TBCD: variants seen among roughly 807,000 people sequenced by gnomAD.
TBCD encodes the protein tubulin folding cofactor D, also known as tubulin-specific chaperone D.
TBCD carries 105 observed loss-of-function variants against 169.3 expected under a neutral mutation model. That is an observed-to-expected ratio of 0.62 (90% CI 0.53 to 0.73). The LOEUF (loss-of-function observed/expected upper bound fraction) is 0.73, where lower values mean the gene tolerates loss of function less well. TBCD is among the 30% of genes least tolerant of loss of function. The pLI is 0.00. For synonymous variants in TBCD, 700 were observed against 643.9 expected (o/e 1.09, Z -1.32); for missense variants, 1,444 against 1,600.1 (o/e 0.90, Z 1.66).
chr17:82,793,102 T>C (rs1352828069), intron 7 of TBCD, among the ~76,000 whole-genome samples: 1 of 152,228 alleles, frequency 6.6e-6, no homozygotes, highest in Non-Finnish European at 1.5e-5. Flanking sequence ...TTCTTAAAAT[T>C]CTTTATAATT....
intron 7 of TBCD, among the ~76,000 whole-genome samples, chr17:82,791,237 A>G (rs924934586): frequency 1.3e-5 from 2 of 151,104 alleles, no homozygotes; most frequent in Non-Finnish European, 1.5e-5. Context: ...GACTACAGGC[A>G]CCCTCCACCA....
Position 82,930,349 on chromosome 17 carries a change from A to T in TBCD, c.2992-173A>T. The T allele has an allele frequency of 1.1e-6, 1 of 874,294 alleles. No homozygotes were observed. The highest frequency in any genetic ancestry group is 1.7e-6 in the Non-Finnish European group (1 of 590,836). 54.2% of individuals were successfully genotyped at this position (874,294 alleles called of 1,614,324 possible). Reference sequence around the variant, plus strand: ...CCTTGTGTCTGCTTCGGGTGTCTGCACTGTGAGTGGCTCCGTGCTGGCGTC... The same window carrying T: ...CCTTGTGTCTGCTTCGGGTGTCTGCTCTGTGAGTGGCTCCGTGCTGGCGTC... On this transcript the variant is annotated intron_variant, in intron 32 of 38. Coordinates refer to ENST00000355528, the MANE Select transcript of TBCD (RefSeq NM_005993.5). The surrounding 1 kb of genome is among the most constrained non-coding windows in gnomAD (Gnocchi z 5.2).
intron 23 of TBCD, among the ~76,000 whole-genome samples, chr17:82,914,908 C>G (rs182730232): frequency 6.6e-6 from 1 of 152,212 alleles, no homozygotes; most frequent in South Asian, 2.1e-4. Flanking sequence ...TTCTGCATAG[C>G]GTCTGTGGTC....
intron 13 of TBCD, among the ~76,000 whole-genome samples, chr17:82,858,917 G>T (rs2056533383): frequency 6.6e-6 from 1 of 152,214 alleles, no homozygotes; most frequent in South Asian, 2.1e-4. Flanking sequence ...GCTTCCTGCG[G>T]GGGGATGAGT....
chr17:82,810,830 A>G (rs1046309889), intron 12 of TBCD, among the ~76,000 whole-genome samples: 1 of 152,228 alleles, frequency 6.6e-6, no homozygotes. Context: ...GTTGCCTGTC[A>G]GTCACCAGGG....
intron 13 of TBCD, among the ~76,000 whole-genome samples, chr17:82,818,878 C>G (rs1476153904): frequency 6.6e-6 from 1 of 152,156 alleles, no homozygotes; most frequent in Non-Finnish European, 1.5e-5. Flanking sequence ...ACCAGCCTGG[C>G]CAACATGGTG....
chr17:82,763,918 T>C (rs992972947), intron 2 of TBCD, 47 bp from the exon 3 acceptor site: 22 of 1,539,704 alleles, frequency 1.4e-5, no homozygotes, highest in Non-Finnish European at 1.9e-5. Context: ...CTCAATGTCA[T>C]GTTGATGTTC....
At chr17:82,876,582 G>A (rs2057993579) in intron 14 of TBCD, among the ~76,000 whole-genome samples, 1 of 152,228 alleles carries the variant, frequency 6.6e-6, no homozygotes, top group Non-Finnish European at 1.5e-5. Flanking sequence ...TTCTGAGAAT[G>A]AGAAAATAGA....
chr17:82,801,649 C>T (rs658753), intron 9 of TBCD, among the ~76,000 whole-genome samples: 88 of 87,352 alleles, frequency 1.0e-3, no homozygotes, highest in Middle Eastern at 7.9e-3. Context: ...AGGAGGGCGG[C>T]GTGTGCGTTG....
In TBCD at chr17:82,927,300, C is replaced by T; in HGVS notation, c.2586C>T (p.Asp862=). The T allele has an allele frequency of 1.2e-6, 2 of 1,613,968 alleles. No individual in the cohort carries two copies. Among genetic ancestry groups the T allele is most frequent in the Non-Finnish European group, 8.5e-7 (1 of 1,179,862 alleles). ...LLGCMDDYTT[D]SRGDVGTWVR... ...GCTGCATGGACGACTACACCACGGACAGCAGAGGGGACGTGGGCACCTGGT... is the reference window on the plus strand; with the variant it reads ...GCTGCATGGACGACTACACCACGGATAGCAGAGGGGACGTGGGCACCTGGT... Residue 862 remains aspartate, a synonymous_variant, in exon 29 of 39, where the codon GAC becomes GAT. Transcript: ENST00000355528.
At position 82,835,028 on chromosome 17, in the gene TBCD, A is replaced by G. The variant is rs1598809822; in HGVS notation, c.1318+20094A>G. 6.6e-6 allele frequency among the ~76,000 whole-genome samples: 1 copy of G among 152,160 alleles called. No homozygotes were observed. The highest frequency in any genetic ancestry group is 1.9e-4 in the East Asian group (1 of 5,198). ...CAGGGAGCTGTCATCCCACCACCGC[A>G]CTGCAGCCTGGTGGGCAACAGAATG... is the stretch of plus-strand genomic sequence containing the variant. On this transcript the variant is annotated intron_variant, in intron 13 of 38. Coordinates refer to ENST00000355528, the MANE Select transcript of TBCD (RefSeq NM_005993.5). The surrounding 1 kb of genome is among the most constrained non-coding windows in gnomAD (Gnocchi z 4.5).
Position 82,942,638 on chromosome 17 carries a change from C to G in TBCD, c.*175C>G. On this transcript the variant is annotated 3_prime_UTR_variant, in exon 39 of 39. Transcript: ENST00000355528. ...CCTCTCTGCACCTGCGCTCTGGTGA[C>G]TTGGGGTGGACGCCTCTGCCTTCAC... is the stretch of plus-strand genomic sequence containing the variant. The G allele has an allele frequency of 1.3e-6, 1 of 753,854 alleles. No individual in the cohort carries two copies. Among genetic ancestry groups the G allele is most frequent in the South Asian group, 1.7e-5 (1 of 59,794 alleles). The allele number at this position is 753,854 out of a possible 1,614,324, so 46.7% of individuals were successfully genotyped here. A position where few individuals can be genotyped will look rare whatever the true frequency, so the allele number is the denominator to read the frequency against.
At chr17:82,893,501 G>A in intron 16 of TBCD, 46 bp from the exon 17 acceptor site, 4 of 1,429,654 alleles carry the variant, frequency 2.8e-6, no homozygotes, top group Middle Eastern at 1.7e-4. Flanking sequence ...AAATGCCTTT[G>A]TTCATTCAAA....
intron 7 of TBCD, among the ~76,000 whole-genome samples, chr17:82,783,316 G>T (rs2049078363): frequency 6.6e-6 from 1 of 152,170 alleles, no homozygotes; most frequent in Non-Finnish European, 1.5e-5. Context: ...TTTTCTTCAG[G>T]CGTCCCCTCA....
intron 14 of TBCD, among the ~76,000 whole-genome samples, chr17:82,875,273 T>G (rs902525663): frequency 6.6e-6 from 1 of 152,166 alleles, no homozygotes; most frequent in African/African-American, 2.4e-5. Context: ...GTGGGATAAT[T>G]GTTGGAGTAG....
intron 2 of TBCD, among the ~76,000 whole-genome samples, chr17:82,759,884 G>GTTT (rs200933847): frequency 2.5e-5 from 3 of 121,136 alleles, no homozygotes; most frequent in African/African-American, 6.7e-5. Flanking sequence ...CATTTCGTTT[G>GTTT]TTTGTTTTTT....
chr17:82,824,489 T>G (rs1365443836), intron 13 of TBCD, among the ~76,000 whole-genome samples: 1 of 152,120 alleles, frequency 6.6e-6, no homozygotes, highest in Non-Finnish European at 1.5e-5. Flanking sequence ...GACCCATATA[T>G]TTATTTTTTA....
intron 13 of TBCD, among the ~76,000 whole-genome samples, chr17:82,824,452 G>A (rs2052671442): frequency 6.6e-6 from 1 of 151,618 alleles, no homozygotes; most frequent in Admixed American, 6.6e-5. Flanking sequence ...CAAAGTGCTG[G>A]GATTACAGGT....
intron 34 of TBCD, among the ~76,000 whole-genome samples, chr17:82,936,561 A>G (rs1400398590): frequency 6.6e-6 from 1 of 152,186 alleles, no homozygotes; most frequent in Non-Finnish European, 1.5e-5. Context: ...GTCTGGGCTA[A>G]GCCTGTGCTT....
Sources: allele counts gnomAD v4.1 joint callset (sites outside exome capture counted in the v4.1 genomes callset), GRCh38; gene constraint gnomAD v4.1.1; non-coding constraint Gnocchi (gnomAD v3.1); transcripts MANE v1.5; gene names NCBI Gene and HGNC (gene_info 2026-07-23, HGNC 2026-07-21).